Variants in H1-10 observed in about 807,000 individuals in gnomAD.
The protein encoded by H1-10 is H1.10 linker histone.
For missense variants in H1-10, 307 were observed against 297.9 expected (o/e 1.03, Z -0.22); for synonymous variants, 191 against 140.9 (o/e 1.36, Z -2.52).
In H1-10 at chr3:129,315,827, C is replaced by T. The variant is rs575204959; in HGVS notation, c.76G>A (p.Gly26Ser). 352 of 1,603,598 alleles carry T rather than the reference C, an allele frequency of 2.2e-4. 6 individuals carry two copies. The South Asian group carries it at 3.8e-3, about 17-fold the overall frequency. ...TTAGATGGGGACAACGCCGCCGAGC[C>T]GCCAGCCTTGGTCACCTTCTTGGCC... ...GMAKKVTKAG[G>S]SAALSPSKKR... is the part of the protein sequence containing the mutation. The change falls in exon 1 of 1, where the codon GGC (glycine) becomes AGC (serine). Residue 26 changes from glycine to serine, a missense_variant. By Grantham distance (56) the Gly-to-Ser change is moderately conservative. Transcript: ENST00000333762.
In H1-10 at chr3:129,315,125, C is replaced by G. The variant is rs1001805744; in HGVS notation, c.*136G>C. 4.4e-6 allele frequency: 3 copies of G among 674,472 alleles called. No homozygotes were observed. Among genetic ancestry groups the G allele is most frequent in the Non-Finnish European group, 6.3e-6 (3 of 477,390 alleles). The allele number at this position is 674,472 out of a possible 1,614,324, so 41.8% of individuals were successfully genotyped here. The stretch of plus-strand genomic sequence containing the variant: ...GGGGGAGGGGAAAGACTGAGAGGAC[C>G]CGGGGCCCCTCCCTGAGGCTCAGAC... On this transcript the variant is annotated 3_prime_UTR_variant, in exon 1 of 1. Transcript: ENST00000333762.
chr3:129,315,826 C>T lies in H1-10; in HGVS notation c.77G>A (p.Gly26Asp), dbSNP rs1207184401. 1.5e-5 allele frequency: 24 copies of T among 1,603,224 alleles called. No individual in the cohort carries two copies. Among genetic ancestry groups the T allele is most frequent in the Non-Finnish European group, 2.0e-5 (24 of 1,175,538 alleles). Residue 26 changes from glycine (G) to aspartate (D), a missense_variant, in exon 1 of 1, where the codon GGC (glycine) becomes GAC (aspartate). By Grantham distance (94) the Gly-to-Asp change is moderately conservative. Coordinates refer to ENST00000333762, the MANE Select transcript of H1-10 (RefSeq NM_006026.4). ...GMAKKVTKAGGSAALSPSKKR... is the reference protein window; with the variant it reads ...GMAKKVTKAGDSAALSPSKKR... ...CTTAGATGGGGACAACGCCGCCGAGCCGCCAGCCTTGGTCACCTTCTTGGC... is the reference window on the plus strand; with the variant it reads ...CTTAGATGGGGACAACGCCGCCGAGTCGCCAGCCTTGGTCACCTTCTTGGC...
At position 129,315,759 on chromosome 3, in the gene H1-10, G is replaced by A. The variant is rs1313053064; in HGVS notation, c.144C>T (p.Tyr48=). The change falls in exon 1 of 1, where the codon TAC becomes TAT. Residue 48 remains tyrosine, a synonymous_variant. Coordinates refer to ENST00000333762, the MANE Select transcript of H1-10 (RefSeq NM_006026.4). ...GGATGGTCTCCACCACCAGCTGGCT[G>A]TACTTGCCCGGCTGGTTCTTCTTCT... is the stretch of plus-strand genomic sequence containing the variant. ...NSKKKNQPGK[Y]SQLVVETIRR... is the part of the protein sequence containing the mutation. The A allele has an allele frequency of 2.5e-6, 4 of 1,601,366 alleles. No individual in the cohort carries two copies. The highest frequency in any genetic ancestry group is 3.4e-6 in the Non-Finnish European group (4 of 1,174,696).
Position 129,315,268 on chromosome 3 carries a change from C to G in H1-10, c.635G>C (p.Arg212Pro), listed in dbSNP as rs763375835. Residue 212 changes from arginine to proline, a missense_variant, in exon 1 of 1, where the codon CGC (arginine) becomes CCC (proline). Arg to Pro is a moderately radical substitution (Grantham distance 103). Coordinates refer to ENST00000333762, the MANE Select transcript of H1-10 (RefSeq NM_006026.4). Reference sequence around the variant, plus strand: ...TCTGACCGGCCGACACGCTCACTTGCGGCCCTTGGGCACTTTGGGGACGCT... The same window carrying G: ...TCTGACCGGCCGACACGCTCACTTGGGGCCCTTGGGCACTTTGGGGACGCT... ...KPSVPKVPKG[R>P]K 1 of 1,411,622 alleles carries G rather than the reference C, an allele frequency of 7.1e-7. No homozygotes were observed. Among genetic ancestry groups the G allele is most frequent in the Non-Finnish European group, 9.2e-7 (1 of 1,084,218 alleles). 87.4% of individuals were successfully genotyped at this position (1,411,622 alleles called of 1,614,324 possible). A position where few individuals can be genotyped will look rare whatever the true frequency, so the allele number is the denominator to read the frequency against.
Position 129,315,630 on chromosome 3 carries a change from G to A in H1-10, c.273C>T (p.Tyr91=), listed in dbSNP as rs2071295795. The A allele has an allele frequency of 4.4e-6, 7 of 1,583,538 alleles. No individual in the cohort carries two copies. The Admixed American group carries it at 1.1e-4, about 24-fold the overall frequency. ...CGTTCTGCACCAGCGCCTTGATCGA[G>A]TACTTGAGGTAGGTGCGCCCATTCT... is the stretch of plus-strand genomic sequence containing the variant. ...DQQNGRTYLK[Y]SIKALVQNDT... Residue 91 remains tyrosine, a synonymous_variant, in exon 1 of 1, where the codon TAC becomes TAT. Transcript: ENST00000333762.
rs2071288676 is a variant in H1-10, at chr3:129,315,126, C to G, written c.*135G>C. The G allele has an allele frequency of 4.4e-6, 3 of 683,144 alleles. No homozygotes were observed. Among genetic ancestry groups the G allele is most frequent in the Admixed American group, 8.6e-5 (2 of 23,126 alleles). The allele number at this position is 683,144 out of a possible 1,614,324, so 42.3% of individuals were successfully genotyped here. ...GGGGAGGGGAAAGACTGAGAGGACC[C>G]GGGGCCCCTCCCTGAGGCTCAGACC... On this transcript the variant is annotated 3_prime_UTR_variant, in exon 1 of 1. Coordinates refer to ENST00000333762, the MANE Select transcript of H1-10 (RefSeq NM_006026.4).
rs1461096160 is a variant in H1-10, at chr3:129,315,498, G to A, written c.405C>T (p.Thr135=). 8 of 1,529,786 alleles carry A rather than the reference G, an allele frequency of 5.2e-6. No individual in the cohort carries two copies. The highest frequency in any genetic ancestry group is 1.4e-5 in the African/African-American group (1 of 72,502). 94.8% of individuals were successfully genotyped at this position (1,529,786 alleles called of 1,614,324 possible). The change falls in exon 1 of 1, where the codon ACC becomes ACT. Residue 135 remains threonine, a synonymous_variant. Coordinates refer to ENST00000333762, the MANE Select transcript of H1-10 (RefSeq NM_006026.4). The part of the protein sequence containing the change: ...GERRGAPAAA[T]APAPTAHKAK... ...CTTTGTGCGCGGTGGGGGCCGGGGC[G>A]GTGGCGGCCGCCGGGGCTCCGCGCC...
rs935255484 is a variant in H1-10 at position 129,315,264 on chromosome 3, C to T, written c.639G>A (p.Lys213=). The change falls in exon 1 of 1, where the codon AAG becomes AAA. Residue 213 remains lysine, a synonymous_variant. Transcript: ENST00000333762. ...PSVPKVPKGR[K] Reference sequence around the variant, plus strand: ...CCGCTCTGACCGGCCGACACGCTCACTTGCGGCCCTTGGGCACTTTGGGGA... The same window carrying T: ...CCGCTCTGACCGGCCGACACGCTCATTTGCGGCCCTTGGGCACTTTGGGGA... 1 of 1,409,320 alleles carries T rather than the reference C, an allele frequency of 7.1e-7. No homozygotes were observed. The highest frequency in any genetic ancestry group is 9.2e-7 in the Non-Finnish European group (1 of 1,083,200). The allele number at this position is 1,409,320 out of a possible 1,614,324, so 87.3% of individuals were successfully genotyped here. A position where few individuals can be genotyped will look rare whatever the true frequency, so the allele number is the denominator to read the frequency against.
Position 129,316,136 on chromosome 3 carries a change from G to A in H1-10, c.-234C>T, listed in dbSNP as rs11537834. ...GGCCGGACTAGGGGACCGAGTTGGG[G>A]GTCAGAGACCGAGTCCGAGCCGGCG... On this transcript the variant is annotated 5_prime_UTR_variant, in exon 1 of 1. Coordinates refer to ENST00000333762, the MANE Select transcript of H1-10 (RefSeq NM_006026.4). The A allele has an allele frequency of 2.8e-3, 453 of 161,768 alleles. 2 individuals are homozygous for A. The Middle Eastern group carries it at 0.033, about 12-fold the overall frequency. The allele number at this position is 161,768 out of a possible 1,614,324, so 10.0% of individuals were successfully genotyped here.
rs1414003888 is a variant in H1-10, at chr3:129,315,967, G to C, written c.-65C>G. ...GGGGGGCCGCGCCGGGAAGAGGAAG[G>C]CGAGGGGCCGAGGGGGTGCAGGGGG... On this transcript the variant is annotated 5_prime_UTR_variant, in exon 1 of 1. Coordinates refer to ENST00000333762, the MANE Select transcript of H1-10 (RefSeq NM_006026.4). 2.2e-6 allele frequency: 3 copies of C among 1,356,438 alleles called. No individual in the cohort carries two copies. Among genetic ancestry groups the C allele is most frequent in the Non-Finnish European group, 3.0e-6 (3 of 1,014,390 alleles). The allele number at this position is 1,356,438 out of a possible 1,614,324, so 84.0% of individuals were successfully genotyped here. A position where few individuals can be genotyped will look rare whatever the true frequency, so the allele number is the denominator to read the frequency against.
chr3:129,315,872 C>T lies in H1-10; in HGVS notation c.31G>A (p.Val11Met). 1 of 1,595,534 alleles carries T rather than the reference C, an allele frequency of 6.3e-7. No homozygotes were observed. Among genetic ancestry groups the T allele is most frequent in the South Asian group, 1.1e-5 (1 of 88,250 alleles). ...TTGGCCATTCCCTCGGCGGTCGTCA[C>T]TGGCAGGGCCTCCTCGAGCTCCACG... MSVELEEALP[V>M]TTAEGMAKKV... Residue 11 changes from valine to methionine, a missense_variant, in exon 1 of 1, where the codon GTG (valine) becomes ATG (methionine). Coordinates refer to ENST00000333762, the MANE Select transcript of H1-10 (RefSeq NM_006026.4).
Position 129,315,965 on chromosome 3 carries a change from A to T in H1-10, c.-63T>A. 2.1e-6 allele frequency: 1 copy of T among 465,848 alleles called. No individual in the cohort carries two copies. The highest frequency in any genetic ancestry group is 3.2e-6 in the Non-Finnish European group (1 of 312,768). 28.9% of individuals were successfully genotyped at this position (465,848 alleles called of 1,614,324 possible). On this transcript the variant is annotated 5_prime_UTR_variant, in exon 1 of 1. Transcript: ENST00000333762. ...CCGGGGGGCCGCGCCGGGAAGAGGAAGGCGAGGGGCCGAGGGGGTGCAGGG... is the reference window on the plus strand; with the variant it reads ...CCGGGGGGCCGCGCCGGGAAGAGGATGGCGAGGGGCCGAGGGGGTGCAGGG...
chr3:129,315,708 C>T lies in H1-10; in HGVS notation c.195G>A (p.Ser65=). The T allele has an allele frequency of 6.3e-7, 1 of 1,576,468 alleles. No individual in the cohort carries two copies. The highest frequency in any genetic ancestry group is 8.6e-7 in the Non-Finnish European group (1 of 1,164,280). The part of the protein sequence containing the change: ...TIRRLGERNG[S]SLAKIYTEAK... ...CCTCGGTGTAGATCTTGGCCAGCGACGAGCCGTTGCGCTCGCCCAGCCTAC... is the reference window on the plus strand; with the variant it reads ...CCTCGGTGTAGATCTTGGCCAGCGATGAGCCGTTGCGCTCGCCCAGCCTAC... Residue 65 remains serine, a synonymous_variant, in exon 1 of 1, where the codon TCG becomes TCA. Coordinates refer to ENST00000333762, the MANE Select transcript of H1-10 (RefSeq NM_006026.4).
rs2071287368 is a variant in H1-10 at position 129,315,001 on chromosome 3, A to C, written c.*260T>G. 2 of 288,942 alleles carry C rather than the reference A, an allele frequency of 6.9e-6. No individual in the cohort carries two copies. The highest frequency in any genetic ancestry group is 5.8e-5 in the East Asian group (1 of 17,130). 17.9% of individuals were successfully genotyped at this position (288,942 alleles called of 1,614,324 possible). A position where few individuals can be genotyped will look rare whatever the true frequency, so the allele number is the denominator to read the frequency against. On this transcript the variant is annotated 3_prime_UTR_variant, in exon 1 of 1. Transcript: ENST00000333762. ...CGGCCATCGGCGCCTAGGGGCCAGT[A>C]ACCATGACGACGGCCGTTGCCAAGG... is the stretch of plus-strand genomic sequence containing the variant.
Position 129,315,401 on chromosome 3 carries a change from C to A in H1-10, c.502G>T (p.Glu168Ter). 2 of 1,534,634 alleles carry A rather than the reference C, an allele frequency of 1.3e-6. No individual in the cohort carries two copies. The highest frequency in any genetic ancestry group is 1.2e-5 in the South Asian group (1 of 83,132). Residue 168 changes from glutamate to a stop codon, truncating the protein, a stop_gained, in exon 1 of 1, where the codon GAG becomes TAG. Coordinates refer to ENST00000333762, the MANE Select transcript of H1-10 (RefSeq NM_006026.4). LOFTEE classifies it low-confidence loss of function (END_TRUNC). ...DKKPARGQKPEQRSHKKGAGA... is the reference protein window; with the variant it reads ...DKKPARGQKP ...GCGCCCTTCTTGTGCGAGCGCTGCT[C>A]CGGCTTCTGGCCCCTGGCGGGCTTC...
Position 129,315,480 on chromosome 3 carries a change from C to A in H1-10, c.423G>T (p.Ala141=). ...CCGGGGCTGCCTTCTTCGCTTTGTG[C>A]GCGGTGGGGGCCGGGGCGGTGGCGG... The part of the protein sequence containing the change: ...PAAATAPAPT[A]HKAKKAAPGA... The change falls in exon 1 of 1, where the codon GCG becomes GCT. Residue 141 remains alanine, a synonymous_variant. Transcript: ENST00000333762. 6.7e-7 allele frequency: 1 copy of A among 1,503,200 alleles called. No individual in the cohort carries two copies. Among genetic ancestry groups the A allele is most frequent in the Non-Finnish European group, 8.8e-7 (1 of 1,132,480 alleles). 93.1% of individuals were successfully genotyped at this position (1,503,200 alleles called of 1,614,324 possible).
Position 129,315,129 on chromosome 3 carries a change from G to A in H1-10, c.*132C>T. ...GAGGGGAAAGACTGAGAGGACCCGG[G>A]GCCCCTCCCTGAGGCTCAGACCAGG... On this transcript the variant is annotated 3_prime_UTR_variant, in exon 1 of 1. Coordinates refer to ENST00000333762, the MANE Select transcript of H1-10 (RefSeq NM_006026.4). 6 of 708,396 alleles carry A rather than the reference G, an allele frequency of 8.5e-6. No individual in the cohort carries two copies. The highest frequency in any genetic ancestry group is 9.8e-6 in the Non-Finnish European group (5 of 508,230). The allele number at this position is 708,396 out of a possible 1,614,324, so 43.9% of individuals were successfully genotyped here. A position where few individuals can be genotyped will look rare whatever the true frequency, so the allele number is the denominator to read the frequency against.
chr3:129,315,399 C>T lies in H1-10; in HGVS notation c.504G>A (p.Glu168=). 1 of 1,535,110 alleles carries T rather than the reference C, an allele frequency of 6.5e-7. No homozygotes were observed. Among genetic ancestry groups the T allele is most frequent in the Non-Finnish European group, 8.7e-7 (1 of 1,146,872 alleles). Residue 168 remains glutamate, a synonymous_variant, in exon 1 of 1, where the codon GAG becomes GAA. Coordinates refer to ENST00000333762, the MANE Select transcript of H1-10 (RefSeq NM_006026.4). ...CAGCGCCCTTCTTGTGCGAGCGCTGCTCCGGCTTCTGGCCCCTGGCGGGCT... is the reference window on the plus strand; with the variant it reads ...CAGCGCCCTTCTTGTGCGAGCGCTGTTCCGGCTTCTGGCCCCTGGCGGGCT... ...DKKPARGQKP[E]QRSHKKGAGA...
chr3:129,316,183 C>T lies in H1-10; in HGVS notation c.-281G>A, dbSNP rs1444732891. 1 of 164,892 alleles carries T rather than the reference C, an allele frequency of 6.1e-6. No individual in the cohort carries two copies. Among genetic ancestry groups the T allele is most frequent in the Non-Finnish European group, 1.5e-5 (1 of 68,530 alleles). 10.2% of individuals were successfully genotyped at this position (164,892 alleles called of 1,614,324 possible). ...GGCGGCTGGAGCTGGGGACGTAGAC[C>T]TAGGCCGAGCCGGAGCGAAGAGAAA... On this transcript the variant is annotated 5_prime_UTR_variant, in exon 1 of 1. Coordinates refer to ENST00000333762, the MANE Select transcript of H1-10 (RefSeq NM_006026.4).
Sources: allele counts gnomAD v4.1 joint callset, GRCh38; gene constraint gnomAD v4.1.1; transcripts MANE v1.5; gene names NCBI Gene and HGNC (gene_info 2026-07-23, HGNC 2026-07-21).